HOXD13: variants seen among roughly 807,000 people sequenced by gnomAD.
The protein encoded by HOXD13 is homeobox protein Hox-D13.
Under a neutral mutation model 27.3 loss-of-function variants are expected in HOXD13, and 16 were observed. The observed-to-expected ratio is 0.59, with a 90% confidence interval of 0.40 to 0.89. The LOEUF (loss-of-function observed/expected upper bound fraction) is 0.89, where lower values mean the gene tolerates loss of function less well. HOXD13 is among the 40% of genes least tolerant of loss of function. The pLI is 0.00. For synonymous variants in HOXD13, 241 were observed against 219.0 expected (o/e 1.10, Z -0.89); for missense variants, 481 against 482.6 (o/e 1.00, Z 0.03).
At position 176,093,082 on chromosome 2, in the gene HOXD13, T is replaced by TGCGGCGGCG. The variant is rs748398268; in HGVS notation, c.201_209dup (p.Ala69_Ala71dup). Reference sequence around the variant, plus strand: ...GGGCGGCGGCGGCGGCAGCGGCGGCTGCGGCGGCGGCGGCGGCAGCCTCCG... The same window carrying TGCGGCGGCG: ...GGGCGGCGGCGGCGGCAGCGGCGGCTGCGGCGGCGGCGGCGGCGGCGGCGGCAGCCTCCG... On this transcript the variant is annotated inframe_insertion, in exon 1 of 2. Coordinates refer to ENST00000392539, the MANE Select transcript of HOXD13 (RefSeq NM_000523.4). 83 of 1,395,766 alleles carry TGCGGCGGCG rather than the reference T, an allele frequency of 5.9e-5. No homozygotes were observed. Among genetic ancestry groups the TGCGGCGGCG allele is most frequent in the Non-Finnish European group, 6.7e-5 (73 of 1,085,134 alleles). 86.5% of individuals were successfully genotyped at this position (1,395,766 alleles called of 1,614,324 possible). A position where few individuals can be genotyped will look rare whatever the true frequency, so the allele number is the denominator to read the frequency against.
At chr2:176,092,701 G>A (rs1471121350), upstream of HOXD13, among the ~76,000 whole-genome samples, 1 of 152,126 alleles carries the variant, frequency 6.6e-6, no homozygotes, top group African/African-American at 2.4e-5. Context: ...TTTTATAAAC[G>A]TCCCGCGATG....
rs1400564662 is a variant in HOXD13, at chr2:176,092,781, A to T, written c.-110A>T. 3 of 665,750 alleles carry T rather than the reference A, an allele frequency of 4.5e-6. No homozygotes were observed. Among genetic ancestry groups the T allele is most frequent in the Non-Finnish European group, 2.1e-6 (1 of 480,170 alleles). 41.2% of individuals were successfully genotyped at this position (665,750 alleles called of 1,614,324 possible). Reference sequence around the variant, plus strand: ...CAGAGGGAGAGAGGGCTAGAGGAAGAGGGCGGGAGCGAGCGAACCAGAGAG... The same window carrying T: ...CAGAGGGAGAGAGGGCTAGAGGAAGTGGGCGGGAGCGAGCGAACCAGAGAG... On this transcript the variant is annotated 5_prime_UTR_variant, in exon 1 of 2. Coordinates refer to ENST00000392539, the MANE Select transcript of HOXD13 (RefSeq NM_000523.4).
At position 176,093,316 on chromosome 2, in the gene HOXD13, C is replaced by A. The variant is rs140031618; in HGVS notation, c.426C>A (p.His142Gln). The A allele has an allele frequency of 6.2e-7, 1 of 1,612,934 alleles. No homozygotes were observed. The highest frequency in any genetic ancestry group is 1.1e-5 in the South Asian group (1 of 91,080). ...GNGYYSCRMS[H>Q]GVGLQQNALK... ...GCTACTACAGCTGCCGTATGTCGCA[C>A]GGCGTGGGCTTACAGCAGAATGCGC... The change falls in exon 1 of 2, where the codon CAC (histidine) becomes CAA (glutamine). Residue 142 changes from histidine (H) to glutamine (Q), a missense_variant. Physicochemically the swap from His to Gln is conservative, Grantham distance 24. Transcript: ENST00000392539.
chr2:176,087,878 CTAAA>C (rs1689264408), upstream of HOXD13, among the ~76,000 whole-genome samples: 1 of 152,256 alleles, frequency 6.6e-6, no homozygotes, highest in Non-Finnish European at 1.5e-5. Flanking sequence ...GGTTTCCAGA[CTAAA>C]TATTTGTTTC....
upstream of HOXD13, among the ~76,000 whole-genome samples, chr2:176,090,110 A>G (rs1230263501): frequency 1.3e-5 from 2 of 152,228 alleles, no homozygotes; most frequent in African/African-American, 4.8e-5. Context: ...CTTGTACTCA[A>G]CCACAGCCCT....
Position 176,094,824 on chromosome 2 carries a change from C to A in HOXD13, c.*94C>A. On this transcript the variant is annotated 3_prime_UTR_variant, in exon 2 of 2. Coordinates refer to ENST00000392539, the MANE Select transcript of HOXD13 (RefSeq NM_000523.4). ...TTGAATATGTATTTAATTCCCCCCA[C>A]CCCCTGCCAATGGTGGCAAATTTTG... 1 of 1,164,006 alleles carries A rather than the reference C, an allele frequency of 8.6e-7. No homozygotes were observed. The highest frequency in any genetic ancestry group is 1.3e-6 in the Non-Finnish European group (1 of 779,782). The allele number at this position is 1,164,006 out of a possible 1,614,324, so 72.1% of individuals were successfully genotyped here.
upstream of HOXD13, among the ~76,000 whole-genome samples, chr2:176,091,287 G>A (rs1689315146): frequency 6.6e-6 from 1 of 152,148 alleles, no homozygotes; most frequent in Non-Finnish European, 1.5e-5. Flanking sequence ...TTAGGGGAGT[G>A]ATTTTCTTGG....
Position 176,092,902 on chromosome 2 carries a change from C to G in HOXD13, c.12C>G (p.Ala4=). ...GGCCAGGCCGGGCCATGAGCCGCGC[C>G]GGGAGCTGGGACATGGACGGGCTGC... MSR[A]GSWDMDGLRA... The change falls in exon 1 of 2, where the codon GCC becomes GCG. Residue 4 remains alanine (A), a synonymous_variant. Coordinates refer to ENST00000392539, the MANE Select transcript of HOXD13 (RefSeq NM_000523.4). 7.8e-7 allele frequency: 1 copy of G among 1,284,550 alleles called. No homozygotes were observed. Among genetic ancestry groups the G allele is most frequent in the South Asian group, 2.5e-5 (1 of 40,238 alleles). 79.6% of individuals were successfully genotyped at this position (1,284,550 alleles called of 1,614,324 possible). A position where few individuals can be genotyped will look rare whatever the true frequency, so the allele number is the denominator to read the frequency against.
chr2:176,087,537 G>A, the HOXD13 span, among the ~76,000 whole-genome samples: 2 of 152,256 alleles, frequency 1.3e-5, no homozygotes, highest in Admixed American at 6.5e-5. Flanking sequence ...TTATAGGCGT[G>A]AGCCACTGCG....
chr2:176,089,080 A>G (rs933025021), upstream of HOXD13, among the ~76,000 whole-genome samples: 1 of 152,256 alleles, frequency 6.6e-6, no homozygotes, highest in Non-Finnish European at 1.5e-5. Context: ...TTTTCATTTG[A>G]TAAAGCCTAA....
chr2:176,091,887 G>A (rs555551617), upstream of HOXD13, among the ~76,000 whole-genome samples: 1 of 152,260 alleles, frequency 6.6e-6, no homozygotes, highest in East Asian at 1.9e-4. Context: ...GCCGTTCTCA[G>A]GGTCTTTCTG....
upstream of HOXD13, among the ~76,000 whole-genome samples, chr2:176,089,667 T>C (rs151314813): frequency 3.3e-5 from 5 of 152,160 alleles, no homozygotes; most frequent in Admixed American, 1.3e-4. Context: ...GGAGAGAATA[T>C]GACTTCCAGA....
rs1018548542 is a variant in HOXD13 at position 176,093,339 on chromosome 2, C to T, written c.449C>T (p.Ala150Val). The change falls in exon 1 of 2, where the codon GCG (alanine) becomes GTG (valine). Residue 150 changes from alanine to valine, a missense_variant. Coordinates refer to ENST00000392539, the MANE Select transcript of HOXD13 (RefSeq NM_000523.4). ...CACGGCGTGGGCTTACAGCAGAATGCGCTCAAGTCATCGCCGCACGCCTCG... is the reference window on the plus strand; with the variant it reads ...CACGGCGTGGGCTTACAGCAGAATGTGCTCAAGTCATCGCCGCACGCCTCG... The part of the protein sequence containing the change: ...MSHGVGLQQN[A>V]LKSSPHASLG... 8.1e-6 allele frequency: 13 copies of T among 1,613,474 alleles called. No individual in the cohort carries two copies. In the Middle Eastern group the frequency reaches 4.9e-4, roughly 61 times the overall value.
Position 176,093,478 on chromosome 2 carries a change from T to C in HOXD13, c.588T>C (p.Tyr196=), listed in dbSNP as rs1305526341. 1.2e-6 allele frequency: 2 copies of C among 1,614,040 alleles called. No homozygotes were observed. Among genetic ancestry groups the C allele is most frequent in the South Asian group, 2.2e-5 (2 of 91,088 alleles). The change falls in exon 1 of 2, where the codon TAT becomes TAC. Residue 196 remains tyrosine (Y), a synonymous_variant. Coordinates refer to ENST00000392539, the MANE Select transcript of HOXD13 (RefSeq NM_000523.4). ...RAKEVSFYQG[Y]TSPYQHVPGY... ...AGGAGGTATCCTTCTACCAGGGCTA[T>C]ACGAGCCCTTACCAGCACGTGCCCG...
At position 176,094,830 on chromosome 2, in the gene HOXD13, G is replaced by T. The variant is rs964748050; in HGVS notation, c.*100G>T. ...ATGTATTTAATTCCCCCCACCCCCT[G>T]CCAATGGTGGCAAATTTTGTGAATT... On this transcript the variant is annotated 3_prime_UTR_variant, in exon 2 of 2. Transcript: ENST00000392539. 4.8e-6 allele frequency: 5 copies of T among 1,031,762 alleles called. No homozygotes were observed. The African/African-American group carries it at 7.9e-5, about 16-fold the overall frequency. The allele number at this position is 1,031,762 out of a possible 1,614,324, so 63.9% of individuals were successfully genotyped here.
upstream of HOXD13, among the ~76,000 whole-genome samples, chr2:176,088,317 T>C (rs1317215276): frequency 3.9e-5 from 6 of 152,364 alleles, no homozygotes; most frequent in East Asian, 9.6e-4. Flanking sequence ...CGGTTGCTTC[T>C]GTCTTTCCTC....
Position 176,095,711 on chromosome 2 carries a change from C to T in HOXD13, c.*981C>T, listed in dbSNP as rs1689402208. ...GGCCTCGCATGGAGCTGTAAAGCAT[C>T]TAACAAATATGAAAAATGTGAAGTT... On this transcript the variant is annotated 3_prime_UTR_variant, in exon 2 of 2. Transcript: ENST00000392539. 1.3e-5 allele frequency: 3 copies of T among 225,348 alleles called. No homozygotes were observed. The highest frequency in any genetic ancestry group is 3.7e-4 in the South Asian group (2 of 5,470). The allele number at this position is 225,348 out of a possible 1,614,324, so 14.0% of individuals were successfully genotyped here.
In HOXD13 at chr2:176,092,929, G is replaced by A. The variant is rs1316860637; in HGVS notation, c.39G>A (p.Arg13=). ...GGAGCTGGGACATGGACGGGCTGCGGGCAGACGGCGGGGGCGCCGGTGGCG... is the reference window on the plus strand; with the variant it reads ...GGAGCTGGGACATGGACGGGCTGCGAGCAGACGGCGGGGGCGCCGGTGGCG... ...RAGSWDMDGL[R]ADGGGAGGAP... The change falls in exon 1 of 2, where the codon CGG becomes CGA. Residue 13 remains arginine, a synonymous_variant. Transcript: ENST00000392539. 1 of 1,331,392 alleles carries A rather than the reference G, an allele frequency of 7.5e-7. No homozygotes were observed. Among genetic ancestry groups the A allele is most frequent in the Non-Finnish European group, 9.6e-7 (1 of 1,044,330 alleles). 82.5% of individuals were successfully genotyped at this position (1,331,392 alleles called of 1,614,324 possible).
Position 176,094,623 on chromosome 2 carries a change from A to G in HOXD13, c.925A>G (p.Ile309Val), listed in dbSNP as rs943267669. The change falls in exon 2 of 2, where the codon ATC becomes GTC. Residue 309 changes from isoleucine to valine, a missense_variant. By Grantham distance (29) the Ile-to-Val change is conservative. Transcript: ENST00000392539. ...CATTAACAAGGACAAGCGGCGGCGT[A>G]TCTCGGCTGCTACGAACCTATCTGA... is the stretch of plus-strand genomic sequence containing the variant. ...KFINKDKRRR[I>V]SAATNLSERQ... 1.2e-6 allele frequency: 2 copies of G among 1,614,008 alleles called. No homozygotes were observed. Among genetic ancestry groups the G allele is most frequent in the African/African-American group, 1.3e-5 (1 of 74,930 alleles).
Sources: gnomAD v4.1 joint callset for allele counts (sites outside exome capture counted in the v4.1 genomes callset) on GRCh38, gnomAD v4.1.1 for gene constraint, MANE v1.5 for transcripts, NCBI Gene and HGNC (gene_info 2026-07-23, HGNC 2026-07-21) for gene names.